The following ERGIC1 variants were observed in gnomAD, a reference collection of about 807,000 sequenced individuals.
ERGIC1 encodes the protein endoplasmic reticulum-golgi intermediate compartment 1.
Under a neutral mutation model 38.3 loss-of-function variants are expected in ERGIC1, and 19 were observed. The ratio of observed to expected loss-of-function variants is 0.50; its 90% CI spans 0.35 to 0.73. The LOEUF is 0.73. Ranked by LOEUF, ERGIC1 falls within the 30% of genes least tolerant of loss-of-function variation. The pLI, the probability that ERGIC1 is intolerant of heterozygous loss-of-function variation, is 0.01. For synonymous variants in ERGIC1, 124 were observed against 157.6 expected, an observed-to-expected ratio of 0.79 and a Z score of 1.60; for missense variants, 294 against 389.2, an observed-to-expected ratio of 0.76 and a Z score of 2.06.
At chr5:172,898,059 C>T in intron 3 of ERGIC1, 1 of 399,206 alleles carries the variant, frequency 2.5e-6, no homozygotes, top group Non-Finnish European at 4.5e-6. Context: ...TGGCTTGAGG[C>T]TTCAAAGCCT....
Position 172,863,495 on chromosome 5 carries a change from C to T in ERGIC1, c.21-25204C>T, listed in dbSNP as rs181676006. The stretch of plus-strand genomic sequence containing the variant: ...TTCCTGACGGCCAGGAGACAAAGGA[C>T]CCTTGGGCGCGATCAGCCGCACCTT... On this transcript the variant is annotated intron_variant, in intron 1 of 9. Transcript: ENST00000393784. 3.0e-3 allele frequency among the ~76,000 whole-genome samples: 455 copies of T among 152,266 alleles called. 1 individual carries two copies. The highest frequency in any genetic ancestry group is 5.2e-3 in the Non-Finnish European group (351 of 68,020).
chr5:172,932,969 A>C (rs1763810964), intron 8 of ERGIC1: 1 of 167,082 alleles, frequency 6.0e-6, no homozygotes, highest in Non-Finnish European at 1.3e-5. Context: ...GCTGTTGATT[A>C]ATTTGCTGTT....
intron 2 of ERGIC1, among the ~76,000 whole-genome samples, chr5:172,891,217 C>T (rs944801543): frequency 2.6e-5 from 4 of 152,152 alleles, no homozygotes; most frequent in African/African-American, 9.7e-5. Context: ...CAGCTTTGTG[C>T]CTTGACTCCC....
intron 1 of ERGIC1, among the ~76,000 whole-genome samples, chr5:172,841,423 G>A (rs139090239): frequency 2.0e-5 from 3 of 152,334 alleles, no homozygotes; most frequent in South Asian, 2.1e-4. Context: ...CTCTGACAGC[G>A]TAATCCTCAT....
At chr5:172,919,024 G>A (rs1763446152) in intron 5 of ERGIC1, among the ~76,000 whole-genome samples, 1 of 152,144 alleles carries the variant, frequency 6.6e-6, no homozygotes, top group African/African-American at 2.4e-5. Flanking sequence ...AGGCTTTCGT[G>A]CTATTGAGCA....
intron 9 of ERGIC1, among the ~76,000 whole-genome samples, chr5:172,949,964 TCGG>T (rs1764197795): frequency 6.6e-6 from 1 of 152,048 alleles, no homozygotes; most frequent in Non-Finnish European, 1.5e-5. Context: ...TCCCAGCTAC[TCGG>T]GAGGCTGAGG....
At chr5:172,892,070 T>TGTTTTG (rs796309995) in intron 2 of ERGIC1, among the ~76,000 whole-genome samples, 6 of 147,842 alleles carry the variant, frequency 4.1e-5, no homozygotes, top group Non-Finnish European at 4.5e-5. Context: ...ATGTTTTTTT[T>TGTTTTG]TTTTTTTTTT....
At chr5:172,935,475 G>A in intron 9 of ERGIC1, 165 bp downstream of exon 9, 1 of 829,666 alleles carries the variant, frequency 1.2e-6, no homozygotes, top group Non-Finnish European at 1.8e-6. Flanking sequence ...AGGATGCTGA[G>A]AAATGTTGTC....
chr5:172,856,462 G>C (rs1319297684), intron 1 of ERGIC1, among the ~76,000 whole-genome samples: 1 of 152,172 alleles, frequency 6.6e-6, no homozygotes, highest in African/African-American at 2.4e-5. Context: ...GAGTTGGAGT[G>C]AAGTCAGTAG....
At chr5:172,892,196 G>C (rs548823529) in intron 2 of ERGIC1, among the ~76,000 whole-genome samples, 1 of 152,038 alleles carries the variant, frequency 6.6e-6, no homozygotes, top group Admixed American at 6.6e-5. Flanking sequence ...AAAGGCGTGA[G>C]GCATAGGAAG....
chr5:172,855,165 G>C (rs951301115), intron 1 of ERGIC1, among the ~76,000 whole-genome samples: 1 of 152,194 alleles, frequency 6.6e-6, no homozygotes, highest in African/African-American at 2.4e-5. Context: ...CCTCCCTGGA[G>C]TGGCATTTCC....
chr5:172,844,199 A>G (rs1297491910), intron 1 of ERGIC1, among the ~76,000 whole-genome samples: 1 of 152,166 alleles, frequency 6.6e-6, no homozygotes, highest in Non-Finnish European at 1.5e-5. Context: ...TAAGGGAGAA[A>G]GTGGCCAGAG....
chr5:172,913,444 T>C (rs1763260672), intron 4 of ERGIC1, among the ~76,000 whole-genome samples: 1 of 152,240 alleles, frequency 6.6e-6, no homozygotes, highest in Admixed American at 6.5e-5. Context: ...ATTATACCAT[T>C]GGCATTTCCC....
At chr5:172,908,432 C>A (rs1027880072) in intron 3 of ERGIC1, among the ~76,000 whole-genome samples, 11 of 148,514 alleles carry the variant, frequency 7.4e-5, no homozygotes, top group African/African-American at 2.7e-4. Context: ...CAAAAATTAG[C>A]TGGAGTGGTG....
chr5:172,928,216 G>A (rs1763698734), intron 7 of ERGIC1, among the ~76,000 whole-genome samples: 1 of 152,128 alleles, frequency 6.6e-6, no homozygotes, highest in South Asian at 2.1e-4. Context: ...GCAGAGAGAG[G>A]GTGTGGACAG....
chr5:172,876,923 C>A (rs1043449345), intron 1 of ERGIC1, among the ~76,000 whole-genome samples: 4 of 151,872 alleles, frequency 2.6e-5, no homozygotes, highest in Non-Finnish European at 5.9e-5. Context: ...GCCTGGGCGA[C>A]AAGAGTGAAA....
At position 172,950,753 on chromosome 5, in the gene ERGIC1, G is replaced by A. The variant is rs147543202; in HGVS notation, c.810G>A (p.Leu270=). Residue 270 remains leucine, a synonymous_variant, in exon 10 of 10, where the codon CTG becomes CTA. Transcript: ENST00000393784. ...IGGTFTVAGI[L]DSCIFTASEA... is the part of the protein sequence containing the mutation. ...GGACCTTCACCGTCGCCGGCATCCT[G>A]GACTCATGCATCTTCACAGCCTCTG... The A allele has an allele frequency of 3.1e-6, 5 of 1,613,116 alleles. No individual in the cohort carries two copies. The highest frequency in any genetic ancestry group is 4.2e-6 in the Non-Finnish European group (5 of 1,179,400).
chr5:172,856,464 A>AGG, intron 1 of ERGIC1, among the ~76,000 whole-genome samples: 1 of 152,142 alleles, frequency 6.6e-6, no homozygotes, highest in Admixed American at 6.5e-5. Flanking sequence ...GTTGGAGTGA[A>AGG]GTCAGTAGAG....
chr5:172,914,679 G>A, intron 4 of ERGIC1, 35 bp from the exon 5 acceptor site: 4 of 1,613,816 alleles, frequency 2.5e-6, no homozygotes, highest in Non-Finnish European at 3.4e-6. Context: ...CGCGTCTCTG[G>A]GTTTGTGACT....
Sources: gnomAD v4.1 joint callset for allele counts (sites outside exome capture counted in the v4.1 genomes callset) on GRCh38, gnomAD v4.1.1 for gene constraint, MANE v1.5 for transcripts, NCBI Gene and HGNC (gene_info 2026-07-23, HGNC 2026-07-21) for gene names.